The following OTOP1 variants were observed in gnomAD, a reference collection of about 807,000 sequenced individuals.
The protein encoded by OTOP1 is proton channel OTOP1.
In OTOP1, 59 loss-of-function variants were observed where a neutral mutation model predicts 52.9. The observed-to-expected ratio is 1.12, with a 90% CI of 0.91 to 1.39. The LOEUF (loss-of-function observed/expected upper bound fraction) is 1.39. Among genes scored for constraint, OTOP1 ranks in the 40% most tolerant of loss-of-function variants. The pLI is 0.00. For missense variants in OTOP1, 761 were observed against 800.9 expected (o/e 0.95, Z 0.60); for synonymous variants, 317 against 337.7 (o/e 0.94, Z 0.67).
At chr4:4,219,935 A>G (rs182544584) in intron 1 of OTOP1, among the ~76,000 whole-genome samples, 71 of 141,606 alleles carry the variant, frequency 5.0e-4, no homozygotes, top group Admixed American at 2.4e-3. Flanking sequence ...ACATGTATAC[A>G]TATATACACA....
chr4:4,192,733 C>T (rs111978397), intron 5 of OTOP1, among the ~76,000 whole-genome samples: 8 of 152,232 alleles, frequency 5.3e-5, no homozygotes, highest in South Asian at 2.1e-4. Context: ...TGTCACCCTT[C>T]GCGAGTTGCA....
chr4:4,191,876 T>A (rs528118379), intron 5 of OTOP1, among the ~76,000 whole-genome samples: 2 of 151,842 alleles, frequency 1.3e-5, no homozygotes, highest in East Asian at 3.9e-4. Flanking sequence ...CCTCTGTAGG[T>A]ACTCAAGGAA....
chr4:4,226,866 T>C lies in OTOP1; in HGVS notation c.-2A>G, dbSNP rs1389569204. ...GGGCGACCCCAGGCCCTCGAGCATC[T>C]TCGAGACACCCGCGCCAAGTCTGGT... On this transcript the variant is annotated 5_prime_UTR_variant, in exon 1 of 6. Coordinates refer to ENST00000296358, the MANE Select transcript of OTOP1 (RefSeq NM_177998.3). The C allele has an allele frequency of 2.3e-6, 3 of 1,323,308 alleles. No individual in the cohort carries two copies. Among genetic ancestry groups the C allele is most frequent in the Non-Finnish European group, 2.9e-6 (3 of 1,040,512 alleles). 82.0% of individuals were successfully genotyped at this position (1,323,308 alleles called of 1,614,324 possible).
chr4:4,213,328 G>A (rs1309349122), intron 1 of OTOP1, among the ~76,000 whole-genome samples: 4 of 152,116 alleles, frequency 2.6e-5, no homozygotes, highest in African/African-American at 9.7e-5. Context: ...TCATGACATT[G>A]GCTTTGGCAA....
rs753391953 is a variant in OTOP1 at position 4,197,319 on chromosome 4, C to G, written c.1515G>C (p.Met505Ile). 6 of 1,614,038 alleles carry G rather than the reference C, an allele frequency of 3.7e-6. No homozygotes were observed. In the African/African-American group the frequency reaches 8.0e-5, roughly 22 times the overall value. Residue 505 changes from methionine to isoleucine, a missense_variant, in exon 5 of 6, where the codon ATG becomes ATC. Around this residue, in one of 3 missense-constraint regions of OTOP1, gnomAD observed 632 missense variants for 619.5 expected, o/e 1.02. Transcript: ENST00000296358. ...CCTCCTCCTTGTCATGGCTTTCTCT[C>G]ATGCACACATTTCCATTGGCTGCTG... is the stretch of plus-strand genomic sequence containing the variant. ...MPPAANGNVC[M>I]RESHDKEEEK...
chr4:4,214,859 T>C (rs1481866734), intron 1 of OTOP1, among the ~76,000 whole-genome samples: 1 of 152,212 alleles, frequency 6.6e-6, no homozygotes, highest in Non-Finnish European at 1.5e-5. Flanking sequence ...GACGAAAAAG[T>C]TCTGGAGGTT....
At chr4:4,199,836 G>A (rs1221106188) in intron 4 of OTOP1, among the ~76,000 whole-genome samples, 2 of 152,166 alleles carry the variant, frequency 1.3e-5, no homozygotes, top group African/African-American at 4.8e-5. Flanking sequence ...AAATCAGGTA[G>A]CGACCAACTT....
At chr4:4,199,233 T>TGTGAGAGAGAGAGAGAGA (rs1212354837) in intron 4 of OTOP1, among the ~76,000 whole-genome samples, 30 of 98,552 alleles carry the variant, frequency 3.0e-4, no homozygotes, top group African/African-American at 1.3e-3. Context: ...TGTGTGTGTG[T>TGTGAGAGAGAGAGAGAGA]GAGAGAGAGA....
In OTOP1 at chr4:4,188,983, A is replaced by G; in HGVS notation, c.1669-10T>C. 1 of 1,609,888 alleles carries G rather than the reference A, an allele frequency of 6.2e-7. No individual in the cohort carries two copies. Among genetic ancestry groups the G allele is most frequent in the Non-Finnish European group, 8.5e-7 (1 of 1,177,992 alleles). On this transcript the variant is annotated splice_polypyrimidine_tract_variant and intron_variant, in intron 5 of 5. Transcript: ENST00000296358. ...CGGGAGGTATCCAAAGCTGCAAGAGAAGAGAAAATGGCATGTGGTGGGGAG... is the reference window on the plus strand; with the variant it reads ...CGGGAGGTATCCAAAGCTGCAAGAGGAGAGAAAATGGCATGTGGTGGGGAG...
At chr4:4,206,996 G>A (rs1315051838) in intron 2 of OTOP1, among the ~76,000 whole-genome samples, 1 of 152,162 alleles carries the variant, frequency 6.6e-6, no homozygotes, top group Non-Finnish European at 1.5e-5. Flanking sequence ...AGCACCTATA[G>A]CATGCCAAAC....
chr4:4,191,537 A>C (rs1003532334), intron 5 of OTOP1, among the ~76,000 whole-genome samples: 14 of 151,966 alleles, frequency 9.2e-5, no homozygotes, highest in Admixed American at 8.5e-4. Context: ...CCTGTTTCTC[A>C]AACCAGAACC....
chr4:4,219,018 A>G (rs904664308), intron 1 of OTOP1, among the ~76,000 whole-genome samples: 1 of 152,152 alleles, frequency 6.6e-6, no homozygotes, highest in Non-Finnish European at 1.5e-5. Flanking sequence ...ATCACAATAA[A>G]TTTTTCAAAT....
chr4:4,224,422 G>A (rs1170744423), intron 1 of OTOP1, among the ~76,000 whole-genome samples: 1 of 151,108 alleles, frequency 6.6e-6, no homozygotes, highest in African/African-American at 2.4e-5. Context: ...GAGGAAGAAA[G>A]GAAAGGAGAA....
chr4:4,213,816 A>T lies in OTOP1; in HGVS notation c.404-812T>A, dbSNP rs368837123. Among the ~76,000 whole-genome samples, 104 of 152,300 alleles carry T rather than the reference A, an allele frequency of 6.8e-4. 2 individuals carry two copies. In the South Asian group the frequency reaches 0.021, roughly 31 times the overall value. On this transcript the variant is annotated intron_variant, in intron 1 of 5. Transcript: ENST00000296358. The stretch of plus-strand genomic sequence containing the variant: ...ATATATTAACAACAATGGGTTGGGC[A>T]CAGTGGCTCATACCTGTAATCCCAG...
Position 4,198,104 on chromosome 4 carries a change from C to T in OTOP1, c.731-1G>A. 6.2e-7 allele frequency: 1 copy of T among 1,608,420 alleles called. No homozygotes were observed. Among genetic ancestry groups the T allele is most frequent in the South Asian group, 1.1e-5 (1 of 90,974 alleles). On this transcript the variant is annotated splice_acceptor_variant, in intron 4 of 5. Transcript: ENST00000296358. LOFTEE classifies it high-confidence loss of function. ...CACTGCGGTGTGTGGTCATCTAAAA[C>T]TAGGGGAGACAGGTAGATCACACAG... is the stretch of plus-strand genomic sequence containing the variant.
intron 5 of OTOP1, among the ~76,000 whole-genome samples, chr4:4,189,411 G>T (rs1370490838): frequency 6.6e-6 from 1 of 152,176 alleles, no homozygotes; most frequent in Non-Finnish European, 1.5e-5. Context: ...AGACTCTTTT[G>T]TGTCCCAGTT....
At chr4:4,201,301 C>A (rs1716780836) in intron 4 of OTOP1, among the ~76,000 whole-genome samples, 1 of 151,998 alleles carries the variant, frequency 6.6e-6, no homozygotes, top group Non-Finnish European at 1.5e-5. Context: ...GTGGCACGCA[C>A]CTGTAGTCCC....
At chr4:4,192,805 C>T (rs1310488433) in intron 5 of OTOP1, among the ~76,000 whole-genome samples, 1 of 152,144 alleles carries the variant, frequency 6.6e-6, no homozygotes, top group Non-Finnish European at 1.5e-5. Context: ...AGGACTAATA[C>T]TCCACAAATT....
chr4:4,188,873 G>A lies in OTOP1; in HGVS notation c.1769C>T (p.Ala590Val). 6.2e-7 allele frequency: 1 copy of A among 1,613,910 alleles called. No homozygotes were observed. Residue 590 changes from alanine (A) to valine (V), a missense_variant, in exon 6 of 6, where the codon GCC (alanine) becomes GTC (valine). Around this residue, in one of 3 missense-constraint regions of OTOP1, gnomAD observed 632 missense variants for 619.5 expected, o/e 1.02. Coordinates refer to ENST00000296358, the MANE Select transcript of OTOP1 (RefSeq NM_177998.3). ...TCGATAGAAAATAGAAAAAGGCATG[G>A]CCAGGTTGACCACAATTATCCAGGG... Reference protein sequence around the residue: ...FEPWIIVVNLAMPFSIFYRMH... With the variant: ...FEPWIIVVNLVMPFSIFYRMH...
Sources: gnomAD v4.1 joint callset for allele counts (sites outside exome capture counted in the v4.1 genomes callset) on GRCh38, gnomAD v4.1.1 for gene constraint, gnomAD v4.1.1 regional missense constraint, MANE v1.5 for transcripts, NCBI Gene and HGNC (gene_info 2026-07-23, HGNC 2026-07-21) for gene names.